Variants in GPC5 observed in about 807,000 individuals in gnomAD.
GPC5 encodes glypican 5.
In GPC5, 47 loss-of-function variants were observed where a neutral mutation model predicts 53.9. That is an observed-to-expected ratio of 0.87 (90% CI 0.69 to 1.11). The LOEUF (loss-of-function observed/expected upper bound fraction) is 1.11, where lower values mean the gene tolerates loss of function less well. Among genes scored for constraint, GPC5 ranks in the 50% most tolerant of loss-of-function variants. The pLI is 0.00. For synonymous variants in GPC5, 286 were observed against 263.3 expected (o/e 1.09, Z -0.84); for missense variants, 748 against 713.1 (o/e 1.05, Z -0.56).
intron 7 of GPC5, among the ~76,000 whole-genome samples, chr13:92,761,333 C>G (rs1305663876): frequency 1.3e-5 from 2 of 152,024 alleles, no homozygotes; most frequent in South Asian, 4.1e-4. Context: ...GTGCCTGGCT[C>G]CATTAATTTT....
At chr13:92,672,937 AG>A (rs536725323) in intron 7 of GPC5, among the ~76,000 whole-genome samples, 123 of 152,284 alleles carry the variant, frequency 8.1e-4, no homozygotes, top group African/African-American at 2.7e-3. Context: ...AATGGGTGAT[AG>A]GCTTGATATC....
At chr13:91,983,341 G>A (rs1218566257) in intron 6 of GPC5, among the ~76,000 whole-genome samples, 2 of 117,242 alleles carry the variant, frequency 1.7e-5, no homozygotes, top group Non-Finnish European at 4.0e-5. Context: ...GCCAGACCCT[G>A]TCTCAAAAAA....
intron 3 of GPC5, among the ~76,000 whole-genome samples, chr13:91,707,002 CTTA>C (rs1234987988): frequency 6.6e-6 from 1 of 151,786 alleles, no homozygotes; most frequent in East Asian, 1.9e-4. Context: ...AAACTATAGG[CTTA>C]TTATATAATT....
chr13:92,049,972 G>A (rs533518257), intron 6 of GPC5, among the ~76,000 whole-genome samples: 2 of 152,224 alleles, frequency 1.3e-5, no homozygotes, highest in South Asian at 2.1e-4. Context: ...AGGAGAAAAA[G>A]CTGGCTCTGA....
intron 2 of GPC5, among the ~76,000 whole-genome samples, chr13:91,495,068 C>A (rs771431091): frequency 3.9e-5 from 6 of 152,092 alleles, no homozygotes; most frequent in Non-Finnish European, 5.9e-5. Context: ...GATTTTATTC[C>A]CCAAACTTGC....
In GPC5 at chr13:92,819,144, A is replaced by G. The variant is rs562048458; in HGVS notation, c.1562-47138A>G. ...ATTCAGTTAACTCCTTCCATACTTA[A>G]AGTTTCATATCCTGTTTACTGAGAA... On this transcript the variant is annotated intron_variant, in intron 7 of 7. Transcript: ENST00000377067. 1.0e-3 allele frequency among the ~76,000 whole-genome samples: 158 copies of G among 152,126 alleles called. 1 individual carries two copies. Among genetic ancestry groups the G allele is most frequent in the Non-Finnish European group, 1.9e-3 (127 of 68,026 alleles).
At chr13:92,372,934 C>T (rs2043663105) in intron 7 of GPC5, among the ~76,000 whole-genome samples, 1 of 152,126 alleles carries the variant, frequency 6.6e-6, no homozygotes, top group Admixed American at 6.5e-5. Context: ...ATGTTGTCTG[C>T]TCCTTGTTTT....
rs553589724 is a variant in GPC5, at chr13:92,634,317, G to A, written c.1562-231965G>A. ...TTATCTGTTCCTGAAGTTTGGATAG[G>A]TATTACTCAAAATACTGGTGAACTC... On this transcript the variant is annotated intron_variant, in intron 7 of 7. Coordinates refer to ENST00000377067, the MANE Select transcript of GPC5 (RefSeq NM_004466.6). Among the ~76,000 whole-genome samples the A allele has an allele frequency of 1.3e-5, 2 of 152,118 alleles. 1 individual carries two copies. Among genetic ancestry groups the A allele is most frequent in the East Asian group, 3.9e-4 (2 of 5,174 alleles).
At chr13:91,786,829 C>A (rs2037887006) in intron 5 of GPC5, among the ~76,000 whole-genome samples, 1 of 152,008 alleles carries the variant, frequency 6.6e-6, no homozygotes, top group Non-Finnish European at 1.5e-5. Flanking sequence ...ATCTTTCAAT[C>A]TATAAATGTT....
intron 2 of GPC5, among the ~76,000 whole-genome samples, chr13:91,523,981 G>A (rs1044693389): frequency 1.1e-4 from 16 of 151,690 alleles, no homozygotes; most frequent in Non-Finnish European, 2.2e-4. Flanking sequence ...AAATATATTA[G>A]AAAACTACAT....
rs1031584038 is a variant in GPC5, at chr13:91,934,468, C to T, written c.1401+26411C>T. ...TTAAATATGTATTGTAACATAATTGCTTTCTGTGACCGATGTTAGCTGTCT... is the reference window on the plus strand; with the variant it reads ...TTAAATATGTATTGTAACATAATTGTTTTCTGTGACCGATGTTAGCTGTCT... On this transcript the variant is annotated intron_variant, in intron 6 of 7. Transcript: ENST00000377067. 3.3e-5 allele frequency among the ~76,000 whole-genome samples: 5 copies of T among 151,966 alleles called. No individual in the cohort carries two copies. The South Asian group carries it at 6.2e-4, about 19-fold the overall frequency.
At chr13:92,486,637 T>G (rs983397968) in intron 7 of GPC5, among the ~76,000 whole-genome samples, 1 of 152,222 alleles carries the variant, frequency 6.6e-6, no homozygotes, top group South Asian at 2.1e-4. Flanking sequence ...TTGATTGTAT[T>G]TCTATGAAAG....
chr13:92,271,302 T>G (rs1264557363), intron 7 of GPC5, among the ~76,000 whole-genome samples: 1 of 152,238 alleles, frequency 6.6e-6, no homozygotes, highest in Non-Finnish European at 1.5e-5. Flanking sequence ...TTTAACTAAG[T>G]GTAGAAGGAG....
At chr13:91,562,716 G>T (rs751452373) in intron 2 of GPC5, among the ~76,000 whole-genome samples, 3 of 150,980 alleles carry the variant, frequency 2.0e-5, no homozygotes, top group Non-Finnish European at 4.4e-5. Context: ...ACCACGCCTG[G>T]CCAAGGACCA....
At chr13:92,085,302 A>G (rs919378507) in intron 6 of GPC5, among the ~76,000 whole-genome samples, 6 of 152,246 alleles carry the variant, frequency 3.9e-5, no homozygotes, top group Non-Finnish European at 8.8e-5. Flanking sequence ...ATTCAAGAAC[A>G]TTATAAGGGA....
At chr13:92,003,036 C>A (rs2040569889) in intron 6 of GPC5, among the ~76,000 whole-genome samples, 1 of 152,120 alleles carries the variant, frequency 6.6e-6, no homozygotes, top group Non-Finnish European at 1.5e-5. Context: ...CCTGGCCAGG[C>A]ACAGTGGCTC....
intron 5 of GPC5, among the ~76,000 whole-genome samples, chr13:91,839,800 A>G (rs969582901): frequency 4.6e-5 from 7 of 152,168 alleles, no homozygotes; most frequent in Non-Finnish European, 7.4e-5. Flanking sequence ...AGGATGACTA[A>G]TAATTTTTTT....
At chr13:92,019,931 A>G (rs193071290) in intron 6 of GPC5, among the ~76,000 whole-genome samples, 16 of 152,210 alleles carry the variant, frequency 1.1e-4, no homozygotes, top group African/African-American at 3.8e-4. Context: ...TTATTATCTT[A>G]TAATTCTGGA....
intron 6 of GPC5, among the ~76,000 whole-genome samples, chr13:92,077,159 C>T (rs1566425145): frequency 1.3e-5 from 2 of 152,178 alleles, no homozygotes; most frequent in Non-Finnish European, 2.9e-5. Context: ...ATTGATGTCT[C>T]ATGCCTCCCT....
Sources: gnomAD v4.1 joint callset for allele counts (sites outside exome capture counted in the v4.1 genomes callset) on GRCh38, gnomAD v4.1.1 for gene constraint, MANE v1.5 for transcripts, NCBI Gene and HGNC (gene_info 2026-07-23, HGNC 2026-07-21) for gene names.